TPH2: variants seen among roughly 807,000 people sequenced by gnomAD.
TPH2 encodes tryptophan hydroxylase 2.
TPH2 carries 27 observed loss-of-function variants against 59.1 expected under a neutral mutation model. That is an observed-to-expected ratio of 0.46 (90% confidence interval 0.34 to 0.63). TPH2 has a LOEUF of 0.63. Among genes scored for constraint, TPH2 ranks in the 30% least tolerant of loss-of-function variants. The pLI is 0.01. For synonymous variants in TPH2, 220 were observed against 210.5 expected, an observed-to-expected ratio of 1.05 and a Z score of -0.39; for missense variants, 523 against 588.3, an observed-to-expected ratio of 0.89 and a Z score of 1.15.
chr12:72,028,048 T>A (rs1159651603), intron 9 of TPH2, among the ~76,000 whole-genome samples: 2 of 152,184 alleles, frequency 1.3e-5, no homozygotes, highest in African/African-American at 4.8e-5. Context: ...CCTGTGCCCT[T>A]GTCTCTAGCA....
Position 72,014,730 on chromosome 12 carries a change from C to T in TPH2, c.1069-7669C>T, listed in dbSNP as rs982101116. On this transcript the variant is annotated intron_variant, in intron 8 of 10. Transcript: ENST00000333850. ...ACTCAAGAATGCTTGCCCTGCAAAA[C>T]AAAGCATTGGGGTAGTTGTTGATGC... Among the ~76,000 whole-genome samples the T allele has an allele frequency of 2.0e-5, 3 of 152,242 alleles. No individual in the cohort carries two copies. The East Asian group carries it at 5.8e-4, about 29-fold the overall frequency.
intron 9 of TPH2, among the ~76,000 whole-genome samples, chr12:72,024,339 T>C (rs1873510353): frequency 6.6e-6 from 1 of 152,224 alleles, no homozygotes; most frequent in South Asian, 2.1e-4. Flanking sequence ...AGATTCTAGC[T>C]GAAGCCTGGT....
intron 5 of TPH2, among the ~76,000 whole-genome samples, chr12:71,955,814 C>T (rs1871478663): frequency 6.6e-6 from 1 of 152,160 alleles, no homozygotes; most frequent in Non-Finnish European, 1.5e-5. Context: ...CTTCTCCACT[C>T]CCCTCGGCCA....
intron 7 of TPH2, among the ~76,000 whole-genome samples, chr12:71,982,658 C>A (rs1872317759): frequency 6.6e-6 from 1 of 152,124 alleles, no homozygotes; most frequent in Admixed American, 6.6e-5. Flanking sequence ...AATTGAAAAC[C>A]AACTAGAGGG....
intron 8 of TPH2, among the ~76,000 whole-genome samples, chr12:72,021,041 C>G (rs2139243911): frequency 7.9e-6 from 1 of 126,404 alleles, no homozygotes; most frequent in South Asian, 2.7e-4. Flanking sequence ...ATTTTCTGCC[C>G]CTTTTCAGGA....
chr12:72,009,202 C>CACCT (rs757786682), intron 8 of TPH2, among the ~76,000 whole-genome samples: 1 of 152,124 alleles, frequency 6.6e-6, no homozygotes, highest in Non-Finnish European at 1.5e-5. Flanking sequence ...CATCTTCAAT[C>CACCT]ACCTGCCTGT....
chr12:71,957,415 C>T (rs767115479), intron 5 of TPH2, among the ~76,000 whole-genome samples: 2 of 144,806 alleles, frequency 1.4e-5, no homozygotes, highest in African/African-American at 2.6e-5. Flanking sequence ...TGGGTCACTG[C>T]AGCCTCCACC....
chr12:71,983,423 A>G (rs573878339), intron 7 of TPH2, among the ~76,000 whole-genome samples: 18 of 152,312 alleles, frequency 1.2e-4, no homozygotes, highest in African/African-American at 4.3e-4. Context: ...AGTTATTCCA[A>G]TAAACCTTCC....
rs772637863 is a variant in TPH2, at chr12:72,031,545, T to A, written c.1323T>A (p.Arg441=). Residue 441 remains arginine, a synonymous_variant, in exon 11 of 11, where the codon CGT becomes CGA. Coordinates refer to ENST00000333850, the MANE Select transcript of TPH2 (RefSeq NM_173353.4). The part of the protein sequence containing the change: ...KMRDFAKSIT[R]PFSVYFNPYT... ...GGGACTTTGCAAAGTCAATTACCCGTCCCTTCTCAGTATACTTCAATCCCT... is the reference window on the plus strand; with the variant it reads ...GGGACTTTGCAAAGTCAATTACCCGACCCTTCTCAGTATACTTCAATCCCT... 6.2e-7 allele frequency: 1 copy of A among 1,613,536 alleles called. No homozygotes were observed.
chr12:71,966,381 G>A (rs948196763), intron 5 of TPH2, among the ~76,000 whole-genome samples: 8 of 152,090 alleles, frequency 5.3e-5, no homozygotes, highest in Admixed American at 1.3e-4. Context: ...AGATACATAT[G>A]CAGAACATGC....
intron 5 of TPH2, among the ~76,000 whole-genome samples, chr12:71,951,275 A>T (rs774035204): frequency 6.6e-6 from 1 of 152,050 alleles, no homozygotes; most frequent in Non-Finnish European, 1.5e-5. Context: ...GAGCCTTATG[A>T]TTGGCTTCCC....
intron 5 of TPH2, chr12:71,961,497 C>A: frequency 7.5e-7 from 1 of 1,338,878 alleles, no homozygotes; most frequent in Non-Finnish European, 9.9e-7. Flanking sequence ...AAACAAGGTG[C>A]AAGATGTATC....
At chr12:72,023,313 T>A (rs567799871) in intron 9 of TPH2, among the ~76,000 whole-genome samples, 5 of 152,206 alleles carry the variant, frequency 3.3e-5, no homozygotes. Flanking sequence ...TTTTGAGCAT[T>A]GATTATCCTT....
intron 8 of TPH2, among the ~76,000 whole-genome samples, chr12:72,022,104 C>T (rs1873434817): frequency 6.6e-6 from 1 of 152,026 alleles, no homozygotes; most frequent in South Asian, 2.1e-4. Context: ...TTCATTTCTA[C>T]ATCTGTGTTT....
intron 2 of TPH2, among the ~76,000 whole-genome samples, chr12:71,943,947 A>G (rs1416222185): frequency 6.6e-6 from 1 of 152,108 alleles, no homozygotes; most frequent in African/African-American, 2.4e-5. Context: ...TTACATGATA[A>G]TATAATAAAT....
chr12:72,023,336 T>C (rs780809839), intron 9 of TPH2, among the ~76,000 whole-genome samples: 2 of 152,184 alleles, frequency 1.3e-5, no homozygotes, highest in Non-Finnish European at 2.9e-5. Context: ...GTAATATAAA[T>C]GGGAAGTATA....
chr12:71,966,884 G>T (rs1374096965), intron 5 of TPH2, among the ~76,000 whole-genome samples: 1 of 152,110 alleles, frequency 6.6e-6, no homozygotes, highest in Admixed American at 6.5e-5. Context: ...CTCATATTAT[G>T]AATTCTAGCA....
chr12:72,015,684 A>C (rs1317330048), intron 8 of TPH2, among the ~76,000 whole-genome samples: 1 of 152,152 alleles, frequency 6.6e-6, no homozygotes, highest in Non-Finnish European at 1.5e-5. Context: ...TTTGAGTGAC[A>C]GTCTTCTTTT....
At chr12:71,952,860 A>G (rs1469973934) in intron 5 of TPH2, among the ~76,000 whole-genome samples, 1 of 152,214 alleles carries the variant, frequency 6.6e-6, no homozygotes, top group Admixed American at 6.5e-5. Flanking sequence ...ACATCGCCCA[A>G]CACATGACCA....
Sources: allele counts gnomAD v4.1 joint callset (sites outside exome capture counted in the v4.1 genomes callset), GRCh38; gene constraint gnomAD v4.1.1; transcripts MANE v1.5; gene names NCBI Gene and HGNC (gene_info 2026-07-23, HGNC 2026-07-21).